SLC12A8: variants seen among roughly 807,000 people sequenced by gnomAD.
SLC12A8 encodes the protein solute carrier family 12 member 8.
A neutral mutation model predicts 75.6 loss-of-function variants in SLC12A8; 69 were observed. That is an observed-to-expected ratio of 0.91 (90% CI 0.75 to 1.11). The LOEUF (loss-of-function observed/expected upper bound fraction) is 1.11. Among genes scored for constraint, SLC12A8 ranks in the 50% most tolerant of loss-of-function variants. The pLI, the probability that SLC12A8 is intolerant of heterozygous loss-of-function variation, is 0.00. For synonymous variants in SLC12A8, 365 were observed against 372.8 expected, an observed-to-expected ratio of 0.98 and a Z score of 0.24; for missense variants, 877 against 896.7, an observed-to-expected ratio of 0.98 and a Z score of 0.28.
At chr3:125,097,715 G>T (rs888983271) in intron 10 of SLC12A8, among the ~76,000 whole-genome samples, 4 of 152,134 alleles carry the variant, frequency 2.6e-5, no homozygotes, top group Admixed American at 2.0e-4. Context: ...CTGTAAAATA[G>T]ACAATTATTC....
chr3:125,208,766 A>T (rs1336825757), intron 2 of SLC12A8, among the ~76,000 whole-genome samples: 1 of 122,456 alleles, frequency 8.2e-6, no homozygotes, highest in Non-Finnish European at 1.8e-5. Flanking sequence ...ACACACACAC[A>T]CACACACACA....
chr3:125,160,756 C>A (rs1480361195), intron 5 of SLC12A8, among the ~76,000 whole-genome samples: 1 of 152,202 alleles, frequency 6.6e-6, no homozygotes, highest in African/African-American at 2.4e-5. Context: ...CCATAAGGGG[C>A]CTCTTTGCAA....
At chr3:125,094,032 C>T (rs754044322) in intron 10 of SLC12A8, among the ~76,000 whole-genome samples, 28 of 152,290 alleles carry the variant, frequency 1.8e-4, no homozygotes, top group Admixed American at 4.6e-4. Flanking sequence ...CCTTGAAATC[C>T]TCATACTAAT....
intron 3 of SLC12A8, among the ~76,000 whole-genome samples, chr3:125,189,708 C>T (rs993050065): frequency 1.6e-4 from 25 of 152,306 alleles, no homozygotes; most frequent in South Asian, 6.2e-4. Context: ...TTTTGTTCTG[C>T]GCACCTGTGT....
At chr3:125,090,672 C>G (rs1433574055) in intron 12 of SLC12A8, among the ~76,000 whole-genome samples, 2 of 152,058 alleles carry the variant, frequency 1.3e-5, no homozygotes, top group Non-Finnish European at 2.9e-5. Context: ...ATGAAATCAC[C>G]CTCTTTATCA....
intron 4 of SLC12A8, among the ~76,000 whole-genome samples, chr3:125,181,167 G>A (rs2107790350): frequency 6.6e-6 from 1 of 152,152 alleles, no homozygotes; most frequent in South Asian, 2.1e-4. Context: ...TGTTGCCAAA[G>A]TCAAAAGAAA....
Position 125,114,679 on chromosome 3 carries a change from G to A in SLC12A8, c.912+4090C>T, listed in dbSNP as rs564483058. Among the ~76,000 whole-genome samples the A allele has an allele frequency of 2.6e-5, 4 of 152,122 alleles. No homozygotes were observed. In the South Asian group the frequency reaches 6.2e-4, roughly 24 times the overall value. ...TGACCTCAAGTGATCTGCCCGCCAC[G>A]CCCTCCCAAAGTGCTGGGATTACAG... On this transcript the variant is annotated intron_variant, in intron 8 of 13. Coordinates refer to ENST00000469902, the MANE Select transcript of SLC12A8 (RefSeq NM_024628.6).
intron 8 of SLC12A8, among the ~76,000 whole-genome samples, chr3:125,110,985 T>C (rs16836443): frequency 0.02 from 3,116 of 152,268 alleles, 96 homozygotes; most frequent in African/African-American, 0.069. Flanking sequence ...CACGCCCTAA[T>C]CTACTCATTG....
chr3:125,211,881 G>T (rs865793187), intron 1 of SLC12A8, among the ~76,000 whole-genome samples: 1 of 152,128 alleles, frequency 6.6e-6, no homozygotes, highest in Non-Finnish European at 1.5e-5. Context: ...TCTGGAGCAG[G>T]GCCGGAGAAG....
chr3:125,210,003 A>G (rs1021539703), intron 2 of SLC12A8, among the ~76,000 whole-genome samples: 2 of 152,204 alleles, frequency 1.3e-5, no homozygotes, highest in Non-Finnish European at 2.9e-5. Flanking sequence ...ATGAACACCA[A>G]AGGCCTTAAA....
intron 4 of SLC12A8, among the ~76,000 whole-genome samples, chr3:125,180,697 C>T (rs1425341405): frequency 1.3e-5 from 2 of 152,070 alleles, no homozygotes; most frequent in African/African-American, 2.4e-5. Context: ...ATAATAGCTA[C>T]CGTCATTATT....
chr3:125,119,595 T>C (rs1229259553), intron 7 of SLC12A8, among the ~76,000 whole-genome samples: 1 of 152,184 alleles, frequency 6.6e-6, no homozygotes, highest in Admixed American at 6.5e-5. Flanking sequence ...AGGGTCCTCA[T>C]TCAGAAGCCT....
chr3:125,174,882 T>C (rs1223839637), intron 5 of SLC12A8, among the ~76,000 whole-genome samples: 1 of 152,246 alleles, frequency 6.6e-6, no homozygotes, highest in Admixed American at 6.5e-5. Flanking sequence ...GATGCTGTAA[T>C]GCTGCATACG....
chr3:125,148,845 C>T (rs999399168), intron 5 of SLC12A8, among the ~76,000 whole-genome samples: 2 of 152,204 alleles, frequency 1.3e-5, no homozygotes, highest in Admixed American at 6.5e-5. Flanking sequence ...AGGAGGTACC[C>T]CCAAAATGGT....
chr3:125,211,493 G>A (rs1003585069), intron 1 of SLC12A8, 99 bp from the exon 2 acceptor site: 11 of 749,466 alleles, frequency 1.5e-5, no homozygotes, highest in Admixed American at 1.2e-4. Context: ...ACTACCAGGC[G>A]AGGCCCTGGC....
rs1452168171 is a variant in SLC12A8 at position 125,128,478 on chromosome 3, CCTT to C, written c.736+7188_736+7190del. Among the ~76,000 whole-genome samples, 68 of 121,042 alleles carry C rather than the reference CCTT, an allele frequency of 5.6e-4. 1 individual carries two copies. The highest frequency in any genetic ancestry group is 8.2e-4 in the Admixed American group (10 of 12,228). 79.4% of individuals were successfully genotyped at this position (121,042 alleles called of 152,430 possible). ...TACAGGCGTGAGCCACCGCGCCCGG[CCTT>C]TTTTTTTTTTTTTTTTAAGACAGGG... is the stretch of plus-strand genomic sequence containing the variant. On this transcript the variant is annotated intron_variant, in intron 6 of 13. Coordinates refer to ENST00000469902, the MANE Select transcript of SLC12A8 (RefSeq NM_024628.6).
intron 10 of SLC12A8, 24 bp downstream of exon 10, chr3:125,107,457 C>T (rs371545381): frequency 1.3e-6 from 2 of 1,581,814 alleles, no homozygotes; most frequent in South Asian, 2.3e-5. Flanking sequence ...ATAAGAGGCC[C>T]CAGTGTGATA....
chr3:125,149,859 T>G (rs1933875359), intron 5 of SLC12A8, among the ~76,000 whole-genome samples: 1 of 152,020 alleles, frequency 6.6e-6, no homozygotes, highest in Non-Finnish European at 1.5e-5. Flanking sequence ...CAGGTGGATT[T>G]TGGGGAATGC....
At chr3:125,140,303 G>C (rs1345707707) in intron 5 of SLC12A8, among the ~76,000 whole-genome samples, 1 of 152,176 alleles carries the variant, frequency 6.6e-6, no homozygotes, top group East Asian at 1.9e-4. Context: ...TGAGGACACT[G>C]AGGCTCCGGA....
Sources: allele counts gnomAD v4.1 joint callset (sites outside exome capture counted in the v4.1 genomes callset), GRCh38; gene constraint gnomAD v4.1.1; transcripts MANE v1.5; gene names NCBI Gene and HGNC (gene_info 2026-07-23, HGNC 2026-07-21).